The following XPA variants were observed in gnomAD, a reference collection of about 807,000 sequenced individuals.
The protein encoded by XPA is DNA repair protein complementing XP-A cells.
In XPA, 27 loss-of-function variants were observed where a neutral mutation model predicts 35.7. The ratio of observed to expected loss-of-function variants is 0.76; its 90% CI spans 0.56 to 1.04. XPA has a LOEUF of 1.04. Ranked by LOEUF, XPA falls within the 50% of genes least tolerant of loss-of-function variation. The pLI, the probability that XPA is intolerant of heterozygous loss-of-function variation, is 0.00. For synonymous variants in XPA, 133 were observed against 118.4 expected (o/e 1.12, Z -0.80); for missense variants, 354 against 342.7 (o/e 1.03, Z -0.26).
At chr9:97,655,623 T>C in the XPA span, 1 of 1,199,124 alleles carries the variant, frequency 8.3e-7, no homozygotes, top group Non-Finnish European at 1.2e-6. Flanking sequence ...TTTATCTGTT[T>C]GAAGGCTTAT....
downstream of XPA, chr9:97,672,213 A>G (rs1244607196): frequency 2.0e-5 from 3 of 152,146 alleles, no homozygotes; most frequent in Non-Finnish European, 2.9e-5. Flanking sequence ...AATTTCGAGG[A>G]TTTTTAGACT....
chr9:97,669,990 T>G (rs1828136433), downstream of XPA: 1 of 436,534 alleles, frequency 2.3e-6, no homozygotes, highest in East Asian at 5.1e-5. Context: ...TGACACGATC[T>G]CAGCTCACTG....
rs1828340031 is a variant in XPA at position 97,675,665 on chromosome 9, C to T, written c.674-78G>A. ...CAAAAATCCAACTCCATCAAGCTTT[C>T]AGCCATGTACATGTGTGTGTGTCTA... On this transcript the variant is annotated intron_variant, in intron 5 of 5. Transcript: ENST00000375128. 3.3e-6 allele frequency: 5 copies of T among 1,531,706 alleles called. No homozygotes were observed. The South Asian group carries it at 4.5e-5, about 14-fold the overall frequency. The allele number at this position is 1,531,706 out of a possible 1,614,324, so 94.9% of individuals were successfully genotyped here. A position where few individuals can be genotyped will look rare whatever the true frequency, so the allele number is the denominator to read the frequency against.
the XPA span, chr9:97,668,788 AGATTTAACACACTGGAATCT>A: frequency 6.4e-7 from 1 of 1,560,038 alleles, no homozygotes; most frequent in East Asian, 2.3e-5. Context: ...CCCCTGGAGG[AGATTTAACACACTGGAATCT>A]AAATGGTATT....
the XPA span, among the ~76,000 whole-genome samples, chr9:97,657,340 C>T: frequency 6.6e-6 from 1 of 152,190 alleles, no homozygotes; most frequent in Non-Finnish European, 1.5e-5. Context: ...GTCTTGAACA[C>T]TTAACTCTTT....
chr9:97,687,286 A>G (rs1564045462), intron 3 of XPA, 25 bp from the exon 4 acceptor site: 3 of 1,572,108 alleles, frequency 1.9e-6, no homozygotes, highest in African/African-American at 2.7e-5. Flanking sequence ...AGTCCATTAT[A>G]TAAATTAGTT....
downstream of XPA, chr9:97,673,425 T>C (rs961098764): frequency 9.2e-5 from 14 of 152,228 alleles, no homozygotes; most frequent in African/African-American, 3.4e-4. Flanking sequence ...TGGCTAGTTA[T>C]GTTTGATCCA....
chr9:97,668,875 C>G, the XPA span: 3 of 1,613,484 alleles, frequency 1.9e-6, no homozygotes, highest in Non-Finnish European at 2.5e-6. Flanking sequence ...GAAGCAGTGA[C>G]AGGAAAGACG....
At chr9:97,692,571 G>A (rs116036550) in intron 2 of XPA, among the ~76,000 whole-genome samples, 4 of 152,096 alleles carry the variant, frequency 2.6e-5, no homozygotes, top group African/African-American at 7.2e-5. Context: ...GAGAAAGTGT[G>A]GTAGAAATAC....
intron 5 of XPA, among the ~76,000 whole-genome samples, chr9:97,681,415 T>G (rs989243467): frequency 6.6e-6 from 1 of 152,184 alleles, no homozygotes; most frequent in African/African-American, 2.4e-5. Context: ...TCTTGAGAGA[T>G]GACTCCAGAG....
At chr9:97,657,481 T>TGTTAA in the XPA span, among the ~76,000 whole-genome samples, 1 of 152,360 alleles carries the variant, frequency 6.6e-6, no homozygotes, top group East Asian at 1.9e-4. Context: ...AGGCACATGA[T>TGTTAA]TCCCACCACT....
the XPA span, among the ~76,000 whole-genome samples, chr9:97,668,157 G>A: frequency 5.9e-5 from 9 of 152,200 alleles, no homozygotes; most frequent in African/African-American, 2.2e-4. Flanking sequence ...ACCTTGGTAT[G>A]TAACACCTTA....
chr9:97,665,749 C>T, the XPA span, among the ~76,000 whole-genome samples: 12 of 150,592 alleles, frequency 8.0e-5, no homozygotes, highest in East Asian at 1.8e-3. Flanking sequence ...ACACCGACTT[C>T]GCCCCACCCA....
At chr9:97,664,299 ATGTGTG>A in the XPA span, 1 of 1,233,250 alleles carries the variant, frequency 8.1e-7, no homozygotes, top group Non-Finnish European at 1.2e-6. Context: ...ATGTGTGTGT[ATGTGTG>A]TGTGTGATTT....
chr9:97,694,860 C>T (rs1329343830), intron 1 of XPA, among the ~76,000 whole-genome samples: 1 of 152,114 alleles, frequency 6.6e-6, no homozygotes, highest in Non-Finnish European at 1.5e-5. Context: ...ACCCAAATAG[C>T]CACCAAAAGG....
chr9:97,669,516 G>C, the XPA span: 2 of 968,530 alleles, frequency 2.1e-6, no homozygotes, highest in Non-Finnish European at 3.3e-6. Context: ...ATACTTTGGG[G>C]TTTCTTTGTC....
chr9:97,668,514 G>A, the XPA span, among the ~76,000 whole-genome samples: 1 of 152,156 alleles, frequency 6.6e-6, no homozygotes, highest in Admixed American at 6.5e-5. Context: ...GCAGATGAAT[G>A]ATTAGCAAGC....
intron 5 of XPA, among the ~76,000 whole-genome samples, chr9:97,681,591 A>C (rs1292553013): frequency 1.3e-5 from 2 of 152,200 alleles, no homozygotes; most frequent in Non-Finnish European, 2.9e-5. Flanking sequence ...GTATGGAATA[A>C]GAGAAAGCTG....
chr9:97,674,008 C>A (rs996252159), downstream of XPA, among the ~76,000 whole-genome samples: 2 of 151,896 alleles, frequency 1.3e-5, no homozygotes, highest in South Asian at 2.1e-4. Flanking sequence ...CTATTAACTA[C>A]TTCAAACAGT....
Sources: gnomAD v4.1 joint callset for allele counts (sites outside exome capture counted in the v4.1 genomes callset) on GRCh38, gnomAD v4.1.1 for gene constraint, MANE v1.5 for transcripts, NCBI Gene and HGNC (gene_info 2026-07-23, HGNC 2026-07-21) for gene names.